PCDHGB6: variants seen among roughly 807,000 people sequenced by gnomAD.
PCDHGB6 encodes the protein protocadherin gamma-B6.
Under a neutral mutation model 59.1 loss-of-function variants are expected in PCDHGB6, and 51 were observed. That is an observed-to-expected ratio of 0.86 (90% CI 0.69 to 1.09). The LOEUF (loss-of-function observed/expected upper bound fraction) is 1.09. PCDHGB6 is among the 50% of genes least tolerant of loss of function. The probability of loss-of-function intolerance (pLI) is 0.00; values close to 1 mark genes in which losing one functional copy is unlikely to be tolerated. For missense variants in PCDHGB6, 1,148 were observed against 1,205.1 expected, an observed-to-expected ratio of 0.95 and a Z score of 0.70; for synonymous variants, 466 against 495.1, an observed-to-expected ratio of 0.94 and a Z score of 0.78.
chr5:141,427,161 G>A (rs1561826750), intron 1 of PCDHGB6: 1 of 456,698 alleles, frequency 2.2e-6, no homozygotes, highest in Non-Finnish European at 4.4e-6. Flanking sequence ...GTTTGTGCTA[G>A]ACCATCAAAA....
chr5:141,413,090 C>T, intron 1 of PCDHGB6: 1 of 1,391,312 alleles, frequency 7.2e-7, no homozygotes, highest in South Asian at 1.4e-5. Flanking sequence ...ACAGAGACAC[C>T]CTGAAGCCAC....
At chr5:141,466,180 A>T (rs566514149) in intron 1 of PCDHGB6, among the ~76,000 whole-genome samples, 100 of 151,254 alleles carry the variant, frequency 6.6e-4, no homozygotes, top group African/African-American at 2.1e-3. Context: ...TTTTATTTTT[A>T]TTTTTTTTCA....
rs2099725414 is a variant in PCDHGB6, at chr5:141,491,703, GA to G, written c.2419-3103del. On this transcript the variant is annotated intron_variant, in intron 1 of 3. Coordinates refer to ENST00000520790, the MANE Select transcript of PCDHGB6 (RefSeq NM_018926.3). The surrounding 1 kb of genome is among the most constrained non-coding windows in gnomAD (Gnocchi z 6.9). ...ATACGCTGCGGGAGCGGAGCCAGGT[GA>G]GGGGCTCGGCGCCGCCCCGGGCGAC... is the stretch of plus-strand genomic sequence containing the variant. The G allele has an allele frequency of 3.7e-6, 6 of 1,611,396 alleles. No homozygotes were observed.
chr5:141,485,341 G>C lies in PCDHGB6; in HGVS notation c.2419-9466G>C. 1.2e-6 allele frequency: 2 copies of C among 1,614,118 alleles called. No homozygotes were observed. Among genetic ancestry groups the C allele is most frequent in the Non-Finnish European group, 8.5e-7 (1 of 1,180,022 alleles). ...TCGCTCAAGATTTCCTGCTGGATAC[G>C]GACAGTCTGTCAGCTCGCAGGCTGC... On this transcript the variant is annotated intron_variant, in intron 1 of 3. Coordinates refer to ENST00000520790, the MANE Select transcript of PCDHGB6 (RefSeq NM_018926.3). The surrounding 1 kb of genome is among the most constrained non-coding windows in gnomAD (Gnocchi z 5.7).
At chr5:141,466,508 T>C (rs2099123841) in intron 1 of PCDHGB6, among the ~76,000 whole-genome samples, 1 of 152,190 alleles carries the variant, frequency 6.6e-6, no homozygotes, top group African/African-American at 2.4e-5. Context: ...ACAGACAAGA[T>C]CATTTTTTTT....
chr5:141,466,223 T>C (rs1313406487), intron 1 of PCDHGB6, among the ~76,000 whole-genome samples: 1 of 152,096 alleles, frequency 6.6e-6, no homozygotes, highest in African/African-American at 2.4e-5. Context: ...CAGGCTGGAG[T>C]GCAGTGGCAC....
rs533810160 is a variant in PCDHGB6 at position 141,410,576 on chromosome 5, C to A, written c.2374C>A (p.His792Asn). 6.2e-7 allele frequency: 1 copy of A among 1,611,270 alleles called. No homozygotes were observed. The highest frequency in any genetic ancestry group is 1.3e-5 in the African/African-American group (1 of 75,046). Residue 792 changes from histidine (H) to asparagine (N), a missense_variant, in exon 1 of 4, where the codon CAT (histidine) becomes AAT (asparagine). His to Asn is a moderately conservative substitution (Grantham distance 68). Around this residue, in one of 5 missense-constraint regions of PCDHGB6, gnomAD observed 283 missense variants for 318.6 expected, o/e 0.89. Transcript: ENST00000520790. ...SVSPGALIPP[H>N]GGEDLTSHPE... ...TTCTCCTGGAGCCTTAATTCCACCT[C>A]ATGGTGGGGAGGATTTGACTTCACA...
Position 141,431,530 on chromosome 5 carries a change from G to A in PCDHGB6, c.2418+20910G>A. On this transcript the variant is annotated intron_variant, in intron 1 of 3. Transcript: ENST00000520790. The surrounding 1 kb of genome is among the most constrained non-coding windows in gnomAD (Gnocchi z 4.8). ...CGAGCGTTCCGGAGAATCTGGCCTT[G>A]GGCACGCAGCTGCTTGTAGTCAACG... 3 of 1,614,072 alleles carry A rather than the reference G, an allele frequency of 1.9e-6. No homozygotes were observed. In the South Asian group the frequency reaches 3.3e-5, roughly 18 times the overall value.
chr5:141,422,472 G>T, intron 1 of PCDHGB6: 2 of 1,613,680 alleles, frequency 1.2e-6, no homozygotes, highest in Non-Finnish European at 1.7e-6. Flanking sequence ...ACAGGGAGTT[G>T]GTCCAGAGCT....
Position 141,485,778 on chromosome 5 carries a change from G to C in PCDHGB6, c.2419-9029G>C. 1 of 1,614,216 alleles carries C rather than the reference G, an allele frequency of 6.2e-7. No homozygotes were observed. Among genetic ancestry groups the C allele is most frequent in the Non-Finnish European group, 8.5e-7 (1 of 1,180,048 alleles). On this transcript the variant is annotated intron_variant, in intron 1 of 3. Transcript: ENST00000520790. The surrounding 1 kb of genome is among the most constrained non-coding windows in gnomAD (Gnocchi z 5.7). ...CTGCTCCTGGAGAAGCCTTTGGATCGAGAGAAGCAATCGGACTACCGCCTG... is the reference window on the plus strand; with the variant it reads ...CTGCTCCTGGAGAAGCCTTTGGATCCAGAGAAGCAATCGGACTACCGCCTG...
rs2097718776 is a variant in PCDHGB6, at chr5:141,434,813, T to C, written c.2418+24193T>C. On this transcript the variant is annotated intron_variant, in intron 1 of 3. Coordinates refer to ENST00000520790, the MANE Select transcript of PCDHGB6 (RefSeq NM_018926.3). ...TTTTTTCTGAGCTTGGAGAAATATA[T>C]CCCTTAGTACACTTGGCATTTATAA... Among the ~76,000 whole-genome samples, 5 of 151,962 alleles carry C rather than the reference T, an allele frequency of 3.3e-5. No individual in the cohort carries two copies. In the South Asian group the frequency reaches 1.0e-3, roughly 32 times the overall value.
rs1226194073 is a variant in PCDHGB6, at chr5:141,490,496, A to G, written c.2419-4311A>G. The G allele has an allele frequency of 6.2e-7, 1 of 1,614,096 alleles. No individual in the cohort carries two copies. Among genetic ancestry groups the G allele is most frequent in the East Asian group, 2.2e-5 (1 of 44,894 alleles). On this transcript the variant is annotated intron_variant, in intron 1 of 3. Coordinates refer to ENST00000520790, the MANE Select transcript of PCDHGB6 (RefSeq NM_018926.3). The surrounding 1 kb of genome is among the most constrained non-coding windows in gnomAD (Gnocchi z 5.4). ...CCTTTGGACCGGGAGGCCACATCCCACTATATCATCGAGCTGCTGGCCAGC... is the reference window on the plus strand; with the variant it reads ...CCTTTGGACCGGGAGGCCACATCCCGCTATATCATCGAGCTGCTGGCCAGC...
rs1349935659 is a variant in PCDHGB6 at position 141,507,722 on chromosome 5, A to C, written c.2566+2241A>C. 6.6e-5 allele frequency among the ~76,000 whole-genome samples: 10 copies of C among 152,354 alleles called. No homozygotes were observed. In the East Asian group the frequency reaches 1.9e-3, roughly 29 times the overall value. ...ATTTATGGCCCCAAACCCTCCAAGC[A>C]AGTCATGCAGCTCGTTCCCCTGTCA... On this transcript the variant is annotated intron_variant, in intron 3 of 3. Coordinates refer to ENST00000520790, the MANE Select transcript of PCDHGB6 (RefSeq NM_018926.3).
chr5:141,456,285 G>T (rs2098848223), intron 1 of PCDHGB6, among the ~76,000 whole-genome samples: 1 of 152,134 alleles, frequency 6.6e-6, no homozygotes, highest in Non-Finnish European at 1.5e-5. Flanking sequence ...GCTGAAAAGG[G>T]GCGTCTAATG....
intron 1 of PCDHGB6, chr5:141,419,776 C>T (rs965350189): frequency 1.2e-6 from 2 of 1,614,026 alleles, no homozygotes; most frequent in Admixed American, 1.7e-5. Context: ...ACTCGGTCCG[C>T]CAGCGCCTGC....
rs751320023 is a variant in PCDHGB6 at position 141,431,263 on chromosome 5, G to T, written c.2418+20643G>T. 6 of 1,614,060 alleles carry T rather than the reference G, an allele frequency of 3.7e-6. No homozygotes were observed. In the East Asian group the frequency reaches 1.3e-4, roughly 36 times the overall value. ...CGGATATCGGGAAGAACTCTCTGCA[G>T]AGCTACGAGCTCAGCCCGAACACTC... On this transcript the variant is annotated intron_variant, in intron 1 of 3. Transcript: ENST00000520790. The surrounding 1 kb of genome is among the most constrained non-coding windows in gnomAD (Gnocchi z 4.8).
Position 141,420,095 on chromosome 5 carries a change from G to A in PCDHGB6, c.2418+9475G>A, listed in dbSNP as rs1382286285. 2.5e-6 allele frequency: 4 copies of A among 1,613,882 alleles called. No individual in the cohort carries two copies. Among genetic ancestry groups the A allele is most frequent in the Admixed American group, 1.7e-5 (1 of 60,010 alleles). ...TGTGGGTCCCCCCAACTACAGTGAGGGAACGTTGCCCTATGCCTATAATTT... is the reference window on the plus strand; with the variant it reads ...TGTGGGTCCCCCCAACTACAGTGAGAGAACGTTGCCCTATGCCTATAATTT... On this transcript the variant is annotated intron_variant, in intron 1 of 3. Coordinates refer to ENST00000520790, the MANE Select transcript of PCDHGB6 (RefSeq NM_018926.3).
At chr5:141,443,137 A>G (rs1202995621) in intron 1 of PCDHGB6, among the ~76,000 whole-genome samples, 1 of 152,174 alleles carries the variant, frequency 6.6e-6, no homozygotes, top group Non-Finnish European at 1.5e-5. Flanking sequence ...GAACACTATC[A>G]TAAGTTATAC....
chr5:141,482,160 T>G (rs577572891), intron 1 of PCDHGB6, among the ~76,000 whole-genome samples: 1 of 151,854 alleles, frequency 6.6e-6, no homozygotes, highest in Admixed American at 6.6e-5. Context: ...GTCAAAGATA[T>G]GTAAGATTAA....
Sources: allele counts gnomAD v4.1 joint callset (sites outside exome capture counted in the v4.1 genomes callset), GRCh38; gene constraint gnomAD v4.1.1; regional missense constraint gnomAD v4.1.1; non-coding constraint Gnocchi (gnomAD v3.1); transcripts MANE v1.5; gene names NCBI Gene and HGNC (gene_info 2026-07-23, HGNC 2026-07-21).